The following TLE2 variants were observed in gnomAD, a reference collection of about 807,000 sequenced individuals.
The protein encoded by TLE2 is transducin-like enhancer protein 2.
Under a neutral mutation model 97.2 loss-of-function variants are expected in TLE2, and 74 were observed. The observed-to-expected ratio is 0.76, with a 90% CI of 0.63 to 0.92. The LOEUF is 0.92. TLE2 is among the 40% of genes least tolerant of loss of function. The pLI, the probability that TLE2 is intolerant of heterozygous loss-of-function variation, is 0.00. For synonymous variants in TLE2, 499 were observed against 432.1 expected (o/e 1.15, Z -1.92); for missense variants, 1,038 against 1,008.7 (o/e 1.03, Z -0.39).
In TLE2 at chr19:3,015,747, G is replaced by A. The variant is rs201831967; in HGVS notation, c.584C>T (p.Ser195Leu). Reference protein sequence around the residue: ...ERAPSRSASPSPPESLVEEER... With the variant: ...ERAPSRSASPLPPESLVEEER... ...CTCCTCCACGAGACTCTCAGGGGGC[G>A]AGGGAGATGCACTCTGCGGAGAGAC... Residue 195 changes from serine to leucine, a missense_variant, in exon 9 of 20, where the codon TCG becomes TTG. Coordinates refer to ENST00000262953, the MANE Select transcript of TLE2 (RefSeq NM_003260.5). 2.8e-5 allele frequency: 45 copies of A among 1,608,882 alleles called. No homozygotes were observed. In the African/African-American group the frequency reaches 3.6e-4, roughly 13 times the overall value.
In TLE2 at chr19:3,034,580, G is replaced by A. The variant is rs1305556928; in HGVS notation, c.64-5777C>T. 2.0e-5 allele frequency among the ~76,000 whole-genome samples: 3 copies of A among 151,138 alleles called. No individual in the cohort carries two copies. In the Admixed American group the frequency reaches 2.0e-4, roughly 10 times the overall value. ...ATTCCCTCCCCCTCCTTTTATGCCT[G>A]GAGAAAGTCCATTTTTTTCAAGGCC... On this transcript the variant is annotated intron_variant, in intron 1 of 18. Transcript: ENST00000426948.
At chr19:3,011,265 C>A in intron 11 of TLE2, 105 bp from the exon 12 acceptor site, 1 of 1,278,396 alleles carries the variant, frequency 7.8e-7, no homozygotes, top group Non-Finnish European at 1.1e-6. Flanking sequence ...CAGTGTCTCA[C>A]ACCTGTAATC....
rs1599247911 is a variant in TLE2 at position 3,029,017 on chromosome 19, G to A, written c.-113C>T. 1.2e-5 allele frequency: 18 copies of A among 1,514,918 alleles called. No homozygotes were observed. The highest frequency in any genetic ancestry group is 2.3e-5 in the East Asian group (1 of 43,400). The allele number at this position is 1,514,918 out of a possible 1,614,324, so 93.8% of individuals were successfully genotyped here. ...GGGAGGCTGCCCGAAGAAAGAGGGA[G>A]GAGGGAGAAGCGGCGCGGGGCAAGG... is the stretch of plus-strand genomic sequence containing the variant. On this transcript the variant is annotated 5_prime_UTR_variant, in exon 1 of 20. Coordinates refer to ENST00000262953, the MANE Select transcript of TLE2 (RefSeq NM_003260.5).
chr19:3,009,888 T>TC (rs371710668), intron 12 of TLE2, among the ~76,000 whole-genome samples, 186 bp from the exon 13 acceptor site: 3 of 92,112 alleles, frequency 3.3e-5, no homozygotes, highest in Non-Finnish European at 5.0e-5. Flanking sequence ...TCTCTCTCTC[T>TC]TTTTTTCTTT....
At chr19:3,043,629 C>T (rs1212246620) in intron 1 of TLE2, among the ~76,000 whole-genome samples, 4 of 141,408 alleles carry the variant, frequency 2.8e-5, no homozygotes, top group Non-Finnish European at 6.1e-5. Flanking sequence ...GAAACCCCGT[C>T]TCTACTAAAA....
rs751210215 is a variant in TLE2, at chr19:3,005,513, CCT to C, written c.1818_1819del (p.Gly608ProfsTer20). 1.9e-6 allele frequency: 3 copies of C among 1,613,788 alleles called. No homozygotes were observed. Among genetic ancestry groups the C allele is most frequent in the Non-Finnish European group, 2.5e-6 (3 of 1,179,806 alleles). On this transcript the variant is annotated frameshift_variant, in exon 17 of 20. Coordinates refer to ENST00000262953, the MANE Select transcript of TLE2 (RefSeq NM_003260.5). LOFTEE classifies it high-confidence loss of function. ...GCAGCGCACCGTGTTGTCCAGGCCC[CCT>C]GTCCAGAGCCGAGTGCCGTAATCGG...
In TLE2 at chr19:3,023,888, T is replaced by TCACA. The variant is rs140844301; in HGVS notation, c.294+1128_294+1131dup. The stretch of plus-strand genomic sequence containing the variant: ...GCCTGGGTAACAGAGCAAGAATCCA[T>TCACA]CACACACACACACACACACAAAAGA... On this transcript the variant is annotated intron_variant, in intron 5 of 19. Transcript: ENST00000262953. 6.0e-3 allele frequency among the ~76,000 whole-genome samples: 863 copies of TCACA among 144,482 alleles called. 4 individuals are homozygous for TCACA. Among genetic ancestry groups the TCACA allele is most frequent in the African/African-American group, 0.017 (646 of 39,030 alleles). The allele number at this position is 144,482 out of a possible 152,430, so 94.8% of individuals were successfully genotyped here.
chr19:3,021,680 T>G (rs1021308267), intron 5 of TLE2, among the ~76,000 whole-genome samples: 1 of 151,858 alleles, frequency 6.6e-6, no homozygotes, highest in Non-Finnish European at 1.5e-5. Flanking sequence ...CCTCCCAGGT[T>G]CAAACAATTC....
At chr19:3,006,768 C>T (rs997110492) in intron 14 of TLE2, 99 bp from the exon 15 acceptor site, 1 of 1,449,820 alleles carries the variant, frequency 6.9e-7, no homozygotes, top group African/African-American at 1.4e-5. Context: ...CTGGCACCCT[C>T]TGATGTGTTT....
chr19:3,001,832 T>A (rs1449431514), intron 18 of TLE2, among the ~76,000 whole-genome samples: 1 of 148,014 alleles, frequency 6.8e-6, no homozygotes, highest in African/African-American at 2.5e-5. Context: ...AATCTCACTC[T>A]TGTCTCCCAG....
rs570426008 is a variant in TLE2 at position 3,019,437 on chromosome 19, G to A, written c.396C>T (p.His132=). 6.7e-5 allele frequency: 102 copies of A among 1,530,782 alleles called. No individual in the cohort carries two copies. Among genetic ancestry groups the A allele is most frequent in the South Asian group, 1.7e-4 (14 of 83,420 alleles). The allele number at this position is 1,530,782 out of a possible 1,614,324, so 94.8% of individuals were successfully genotyped here. A position where few individuals can be genotyped will look rare whatever the true frequency, so the allele number is the denominator to read the frequency against. ...IGQQLQPLSH[H]APPVPLTPRP... ...GGGGGGTGAGGGGCACAGGGGGTGC[G>A]TGGTGGGACAGCGGCTGGAGCTGCT... Residue 132 remains histidine (H), a synonymous_variant, in exon 7 of 20, where the codon CAC becomes CAT. Coordinates refer to ENST00000262953, the MANE Select transcript of TLE2 (RefSeq NM_003260.5). The surrounding 1 kb of genome is among the most constrained non-coding windows in gnomAD (Gnocchi z 5.1).
intron 19 of TLE2, among the ~76,000 whole-genome samples, chr19:2,999,081 A>C (rs1232805080): frequency 6.6e-6 from 1 of 152,160 alleles, no homozygotes. Flanking sequence ...CAGGAGTTCC[A>C]GACCAGACTG....
intron 13 of TLE2, among the ~76,000 whole-genome samples, 167 bp downstream of exon 13, chr19:3,009,375 G>C (rs192968575): frequency 1.6e-3 from 241 of 152,360 alleles, no homozygotes; most frequent in African/African-American, 5.2e-3. Flanking sequence ...TATTAAGCTT[G>C]TGGGACTACT....
chr19:3,018,544 C>T (rs1229266600), intron 7 of TLE2, among the ~76,000 whole-genome samples: 5 of 152,092 alleles, frequency 3.3e-5, no homozygotes, highest in African/African-American at 1.2e-4. Context: ...CTGCCCGCCT[C>T]GGTCTCCCAG....
chr19:3,017,747 C>A, intron 8 of TLE2, 93 bp downstream of exon 8: 2 of 1,240,576 alleles, frequency 1.6e-6, no homozygotes, highest in Non-Finnish European at 1.1e-6. Context: ...CCACCATGAT[C>A]GACCTAGGTC....
intron 1 of TLE2, among the ~76,000 whole-genome samples, chr19:3,038,597 C>A (rs1490110087): frequency 6.6e-6 from 1 of 152,210 alleles, no homozygotes; most frequent in Non-Finnish European, 1.5e-5. Flanking sequence ...GCACCCACAT[C>A]CTTGATGATC....
intron 1 of TLE2, among the ~76,000 whole-genome samples, chr19:3,039,989 C>T (rs951305163): frequency 2.6e-5 from 4 of 152,216 alleles, no homozygotes; most frequent in East Asian, 1.9e-4. Context: ...GAAAAGGCCC[C>T]GACCGTTATT....
At chr19:3,029,478 C>T, upstream of TLE2, 17 of 979,674 alleles carry the variant, frequency 1.7e-5, no homozygotes, top group Non-Finnish European at 2.1e-5. Flanking sequence ...TGCCTTAAAA[C>T]AGGGTCCCCA....
chr19:3,028,749 G>A lies in TLE2; in HGVS notation c.79C>T (p.Arg27Cys). 6.2e-7 allele frequency: 1 copy of A among 1,613,002 alleles called. No individual in the cohort carries two copies. Among genetic ancestry groups the A allele is most frequent in the South Asian group, 1.1e-5 (1 of 91,078 alleles). The change falls in exon 2 of 20, where the codon CGC becomes TGC. Residue 27 changes from arginine to cysteine, a missense_variant. Arg to Cys is a radical substitution (Grantham distance 180, BLOSUM62 -3). Transcript: ENST00000262953. The stretch of plus-strand genomic sequence containing the variant: ...AGAAACTGGAATTCTTCTTTGATGC[G>A]GTCGCAGATCTCCAAGATCGAGAAC... Reference protein sequence around the residue: ...FKFSILEICDRIKEEFQFLQA... With the variant: ...FKFSILEICDCIKEEFQFLQA...
Sources: allele counts gnomAD v4.1 joint callset (sites outside exome capture counted in the v4.1 genomes callset), GRCh38; gene constraint gnomAD v4.1.1; non-coding constraint Gnocchi (gnomAD v3.1); transcripts MANE v1.5; gene names NCBI Gene and HGNC (gene_info 2026-07-23, HGNC 2026-07-21).